Variants in PCDHA12 observed in about 807,000 individuals in gnomAD.
PCDHA12 encodes the protein protocadherin alpha 12.
In PCDHA12, 44 loss-of-function variants were observed where a neutral mutation model predicts 60.0. That is an observed-to-expected ratio of 0.73 (90% CI 0.58 to 0.94). The LOEUF (loss-of-function observed/expected upper bound fraction) is 0.94. Among genes scored for constraint, PCDHA12 ranks in the 40% least tolerant of loss-of-function variants. PCDHA12 has a pLI of 0.00. For synonymous variants in PCDHA12, 569 were observed against 553.0 expected (o/e 1.03, Z -0.40); for missense variants, 1,276 against 1,239.7 (o/e 1.03, Z -0.44).
At position 140,875,375 on chromosome 5, in the gene PCDHA12, A is replaced by C; in HGVS notation, c.-98A>C. The stretch of plus-strand genomic sequence containing the variant: ...TGTGATGCTGGAAAAAATTTACTAA[A>C]TATGTACTTACAGAAAAGGGTGACT... On this transcript the variant is annotated 5_prime_UTR_variant, in exon 1 of 4. Coordinates refer to ENST00000398631, the MANE Select transcript of PCDHA12 (RefSeq NM_018903.4). 2 of 1,456,838 alleles carry C rather than the reference A, an allele frequency of 1.4e-6. No homozygotes were observed. The highest frequency in any genetic ancestry group is 5.0e-5 in the East Asian group (2 of 40,324). 90.2% of individuals were successfully genotyped at this position (1,456,838 alleles called of 1,614,324 possible).
intron 1 of PCDHA12, among the ~76,000 whole-genome samples, chr5:140,954,517 A>G (rs1554221451): frequency 6.6e-6 from 1 of 152,182 alleles, no homozygotes; most frequent in Non-Finnish European, 1.5e-5. Flanking sequence ...TTACCTAATG[A>G]TCAGTGATGT....
chr5:140,958,495 C>T (rs559117374), intron 1 of PCDHA12, among the ~76,000 whole-genome samples: 1 of 152,138 alleles, frequency 6.6e-6, no homozygotes, highest in African/African-American at 2.4e-5. Context: ...TCCACATATC[C>T]TAGGAGGCAT....
chr5:140,950,662 C>T (rs1347125277), intron 1 of PCDHA12, among the ~76,000 whole-genome samples: 1 of 152,030 alleles, frequency 6.6e-6, no homozygotes, highest in East Asian at 1.9e-4. Flanking sequence ...CTGAGTTTAT[C>T]AAACATGTAC....
At chr5:141,008,382 A>G (rs1458485740) in intron 3 of PCDHA12, among the ~76,000 whole-genome samples, 1 of 152,166 alleles carries the variant, frequency 6.6e-6, no homozygotes, top group African/African-American at 2.4e-5. Flanking sequence ...ATACATAAAC[A>G]TTGCTATGAT....
At chr5:141,000,223 G>A (rs1190945878) in intron 3 of PCDHA12, among the ~76,000 whole-genome samples, 2 of 151,642 alleles carry the variant, frequency 1.3e-5, no homozygotes, top group African/African-American at 4.8e-5. Flanking sequence ...AAATGCCTGT[G>A]TGGAGCTGAA....
chr5:140,891,569 CAT>C (rs59481749), intron 1 of PCDHA12, among the ~76,000 whole-genome samples: 3,590 of 152,218 alleles, frequency 0.024, 138 homozygotes, highest in African/African-American at 0.082. Flanking sequence ...TCTAATTAAA[CAT>C]ATTTTAATCT....
At chr5:141,005,689 G>A (rs980293858) in intron 3 of PCDHA12, among the ~76,000 whole-genome samples, 12 of 95,950 alleles carry the variant, frequency 1.3e-4, no homozygotes, top group African/African-American at 4.3e-4. Context: ...GCGACAGAGC[G>A]AAACTCCGTC....
chr5:140,875,821 T>C lies in PCDHA12; in HGVS notation c.349T>C (p.Phe117Leu). 1 of 1,614,192 alleles carries C rather than the reference T, an allele frequency of 6.2e-7. No homozygotes were observed. Among genetic ancestry groups the C allele is most frequent in the Non-Finnish European group, 8.5e-7 (1 of 1,180,040 alleles). Residue 117 changes from phenylalanine to leucine, a missense_variant, in exon 1 of 4, where the codon TTC becomes CTC. Phe to Leu is a conservative substitution (Grantham distance 22). Transcript: ENST00000398631. Reference protein sequence around the residue: ...EVIVDRPLQVFHVDVEVKDIN... With the variant: ...EVIVDRPLQVLHVDVEVKDIN... ...GATCGTGGACAGGCCGCTGCAGGTT[T>C]TCCATGTGGACGTGGAGGTGAAGGA...
At position 141,011,317 on chromosome 5, in the gene PCDHA12, T is replaced by C. The variant is rs1554263417; in HGVS notation, c.*1380T>C. On this transcript the variant is annotated 3_prime_UTR_variant, in exon 4 of 4. Transcript: ENST00000398631. ...TAACACTCTGAATTGCTAATCTTAC[T>C]AACACCTATGATGTTACCTGAAATC... 1 of 153,818 alleles carries C rather than the reference T, an allele frequency of 6.5e-6. No homozygotes were observed. The highest frequency in any genetic ancestry group is 2.4e-5 in the African/African-American group (1 of 41,470). 9.5% of individuals were successfully genotyped at this position (153,818 alleles called of 1,614,324 possible).
chr5:140,931,544 A>G (rs1276156656), intron 1 of PCDHA12, among the ~76,000 whole-genome samples: 1 of 152,048 alleles, frequency 6.6e-6, no homozygotes, highest in Non-Finnish European at 1.5e-5. Context: ...TATACTGTTC[A>G]TATGTGCAGG....
At chr5:141,002,184 T>A (rs1554258557) in intron 3 of PCDHA12, among the ~76,000 whole-genome samples, 1 of 152,218 alleles carries the variant, frequency 6.6e-6, no homozygotes, top group East Asian at 1.9e-4. Flanking sequence ...CAGAGTGCTG[T>A]CTGGCAAGAT....
intron 1 of PCDHA12, among the ~76,000 whole-genome samples, chr5:140,953,877 ACCCATCAC>A (rs1252251050): frequency 6.6e-6 from 1 of 152,098 alleles, no homozygotes; most frequent in Non-Finnish European, 1.5e-5. Context: ...GCACAGATCA[ACCCATCAC>A]CTAGGTATTA....
intron 1 of PCDHA12, chr5:140,882,638 A>G (rs2059233239): frequency 5.0e-6 from 8 of 1,614,116 alleles, no homozygotes; most frequent in African/African-American, 1.3e-5. Context: ...GGTGAAGGTG[A>G]GGGACATTAA....
intron 1 of PCDHA12, among the ~76,000 whole-genome samples, chr5:140,975,536 A>G (rs957684886): frequency 2.0e-5 from 3 of 152,226 alleles, no homozygotes; most frequent in Admixed American, 1.3e-4. Flanking sequence ...TATTCTTAAT[A>G]CAGTCCTATT....
At chr5:140,987,938 C>G (rs2153869339) in intron 3 of PCDHA12, among the ~76,000 whole-genome samples, 1 of 152,208 alleles carries the variant, frequency 6.6e-6, no homozygotes, top group East Asian at 1.9e-4. Context: ...AGGATTCTTA[C>G]CTGTCTGACA....
chr5:140,954,895 A>G (rs782412576), intron 1 of PCDHA12, among the ~76,000 whole-genome samples: 66 of 152,096 alleles, frequency 4.3e-4, no homozygotes, highest in African/African-American at 1.4e-3. Context: ...TAGGGTTTTT[A>G]TAGTTTCATA....
At chr5:140,886,545 C>T (rs894582397) in intron 1 of PCDHA12, among the ~76,000 whole-genome samples, 5 of 151,964 alleles carry the variant, frequency 3.3e-5, no homozygotes, top group Non-Finnish European at 7.4e-5. Flanking sequence ...AAGGTCTTCC[C>T]AGCTGGGCAC....
intron 3 of PCDHA12, among the ~76,000 whole-genome samples, chr5:140,991,890 T>A (rs1192590580): frequency 1.3e-5 from 2 of 152,192 alleles, no homozygotes; most frequent in Non-Finnish European, 2.9e-5. Context: ...CCATAACAAA[T>A]TAACACAAAA....
rs1554169970 is a variant in PCDHA12 at position 140,877,677 on chromosome 5, C to T, written c.2205C>T (p.Gly735=). The stretch of plus-strand genomic sequence containing the variant: ...CCACCGTGAGCCGGTGCGCGCCGGG[C>T]AAGCCCACGCTGGTGTGCTCCAGCG... ...APPTVSRCAP[G]KPTLVCSSAV... The change falls in exon 1 of 4, where the codon GGC becomes GGT. Residue 735 remains glycine, a synonymous_variant. Coordinates refer to ENST00000398631, the MANE Select transcript of PCDHA12 (RefSeq NM_018903.4). 1 of 1,613,678 alleles carries T rather than the reference C, an allele frequency of 6.2e-7. No individual in the cohort carries two copies.
Sources: gnomAD v4.1 joint callset for allele counts (sites outside exome capture counted in the v4.1 genomes callset) on GRCh38, gnomAD v4.1.1 for gene constraint, MANE v1.5 for transcripts, NCBI Gene and HGNC (gene_info 2026-07-23, HGNC 2026-07-21) for gene names.